NF1: variants seen among roughly 807,000 people sequenced by gnomAD.
The protein encoded by NF1 is neurofibromin 1.
Under a neutral mutation model 325.7 loss-of-function variants are expected in NF1, and 122 were observed. That is an observed-to-expected ratio of 0.37 (90% CI 0.32 to 0.44). NF1 has a LOEUF of 0.44. Ranked by LOEUF, NF1 falls within the 20% of genes least tolerant of loss-of-function variation. NF1 has a pLI of 1.00. For missense variants in NF1, 2,140 were observed against 3,415.4 expected (o/e 0.63, Z 9.31); for synonymous variants, 1,091 against 1,186.0 (o/e 0.92, Z 1.65).
At chr17:31,295,411 A>G (rs2151499062) in intron 36 of NF1, 10 of 1,613,990 alleles carry the variant, frequency 6.2e-6, no homozygotes, top group Non-Finnish European at 7.6e-6. Flanking sequence ...CCTTTGTTCG[A>G]TATTGTTTGG....
intron 30 of NF1, chr17:31,250,492 G>A (rs1439422792): frequency 9.7e-6 from 2 of 206,772 alleles, no homozygotes; most frequent in Non-Finnish European, 2.0e-5. Context: ...GACTTTAGCT[G>A]GTTAAAAGTG....
At chr17:31,145,278 C>T (rs57413456) in intron 1 of NF1, among the ~76,000 whole-genome samples, 15 of 152,296 alleles carry the variant, frequency 9.8e-5, no homozygotes, top group East Asian at 1.9e-4. Context: ...ATGCAACCTC[C>T]GCCTCCCGGG....
At chr17:31,196,296 T>C (rs775470266) in intron 8 of NF1, among the ~76,000 whole-genome samples, 7 of 152,096 alleles carry the variant, frequency 4.6e-5, no homozygotes, top group Admixed American at 6.5e-5. Context: ...GCTTTCATTT[T>C]ATTTATACTG....
chr17:31,138,005 A>G (rs1019685008), intron 1 of NF1: 5 of 151,810 alleles, frequency 3.3e-5, no homozygotes, highest in Non-Finnish European at 5.9e-5. Flanking sequence ...TGTCCTTGCT[A>G]TTCTGCAGTT....
At position 31,233,515 on chromosome 17, in the gene NF1, G is replaced by A. The variant is rs17883197; in HGVS notation, c.3708+302G>A. 8.2e-3 allele frequency among the ~76,000 whole-genome samples: 1,246 copies of A among 152,210 alleles called. 10 individuals carry two copies. Among genetic ancestry groups the A allele is most frequent in the South Asian group, 0.014 (68 of 4,822 alleles). ...AGGTTAAACCTAATTTTAGTTAGTT[G>A]TTGCAATGCTGGAATTGGAATCCAC... On this transcript the variant is annotated intron_variant, in intron 27 of 57. Coordinates refer to ENST00000358273, the MANE Select transcript of NF1 (RefSeq NM_001042492.3).
intron 36 of NF1, chr17:31,295,776 T>C: frequency 6.2e-7 from 1 of 1,614,150 alleles, no homozygotes; most frequent in Non-Finnish European, 8.5e-7. Flanking sequence ...TTTATTAATG[T>C]ACCTGGAAGA....
intron 36 of NF1, among the ~76,000 whole-genome samples, chr17:31,285,571 G>A (rs2068210547): frequency 6.6e-6 from 1 of 152,104 alleles, no homozygotes; most frequent in Non-Finnish European, 1.5e-5. Flanking sequence ...TTTTCTGCTG[G>A]ACATGGGGGC....
Position 31,259,111 on chromosome 17 carries a change from A to C in NF1, c.4412A>C (p.Asn1471Thr), listed in dbSNP as rs876658250. ...MRPFNDFVKS[N>T]FDAARRFFLD... ...CCTTTCAATGATTTTGTGAAAAGCA[A>C]CTTTGATGCAGCACGCAGGTAATTT... Residue 1471 changes from asparagine to threonine, a missense_variant, in exon 33 of 58, where the codon AAC (asparagine) becomes ACC (threonine). Physicochemically the swap from Asn to Thr is moderately conservative, Grantham distance 65. This residue lies in a region of NF1 where 336 missense variants were observed against 399.0 expected (regional missense o/e 0.84). Transcript: ENST00000358273. 1.2e-6 allele frequency: 2 copies of C among 1,602,478 alleles called. No individual in the cohort carries two copies.
At chr17:31,178,778 A>G (rs1336091450) in intron 5 of NF1, among the ~76,000 whole-genome samples, 1 of 152,238 alleles carries the variant, frequency 6.6e-6, no homozygotes, top group Non-Finnish European at 1.5e-5. Flanking sequence ...AGGGTATTAC[A>G]TAATGGTAAA....
chr17:31,114,992 A>C (rs1311555161), intron 1 of NF1, among the ~76,000 whole-genome samples: 1 of 152,236 alleles, frequency 6.6e-6, no homozygotes, highest in Non-Finnish European at 1.5e-5. Flanking sequence ...TCAGGGTTCC[A>C]GACATAGTCC....
intron 36 of NF1, chr17:31,272,412 G>A (rs1038778103): frequency 5.9e-5 from 9 of 152,072 alleles, no homozygotes; most frequent in Non-Finnish European, 1.3e-4. Flanking sequence ...GTCATCTAGG[G>A]ATTTGAGGTC....
chr17:31,222,569 A>G lies in NF1; in HGVS notation c.1721+640A>G, dbSNP rs531786358. 76 of 1,018,372 alleles carry G rather than the reference A, an allele frequency of 7.5e-5. No homozygotes were observed. In the African/African-American group the frequency reaches 1.1e-3, roughly 14 times the overall value. The allele number at this position is 1,018,372 out of a possible 1,614,324, so 63.1% of individuals were successfully genotyped here. The stretch of plus-strand genomic sequence containing the variant: ...TTACTCTAGAGTAGTGCTGTCCACT[A>G]GTAATATAATGAGAACCCCATATGT... On this transcript the variant is annotated intron_variant, in intron 15 of 57. Transcript: ENST00000358273.
intron 36 of NF1, among the ~76,000 whole-genome samples, chr17:31,301,170 T>C (rs1292237630): frequency 6.6e-6 from 1 of 152,082 alleles, no homozygotes. Context: ...TTTAAAAGTT[T>C]CATATAATTT....
chr17:31,182,621 C>A lies in NF1; in HGVS notation c.844C>A (p.Gln282Lys), dbSNP rs753054046. 6 of 1,613,830 alleles carry A rather than the reference C, an allele frequency of 3.7e-6. No individual in the cohort carries two copies. In the South Asian group the frequency reaches 6.6e-5, roughly 18 times the overall value. ...CCTTATCTTGTGTCCAGAAATAATC[C>A]AGGATATATCCAAAGACGTGGTTGA... ...ILLILCPEII[Q>K]DISKDVVDEN... The change falls in exon 8 of 58, where the codon CAG (glutamine) becomes AAG (lysine). Residue 282 changes from glutamine (Q) to lysine (K), a missense_variant. Transcript: ENST00000358273.
chr17:31,265,172 T>C, intron 35 of NF1, 57 bp from the exon 36 acceptor site: 1 of 1,184,438 alleles, frequency 8.4e-7, no homozygotes, highest in Non-Finnish European at 1.2e-6. Context: ...ATAGACTTTT[T>C]TACATACTCA....
chr17:31,189,756 G>GTT (rs1424401941), intron 8 of NF1, among the ~76,000 whole-genome samples: 1 of 144,116 alleles, frequency 6.9e-6, no homozygotes, highest in East Asian at 2.0e-4. Context: ...AAAAAGAAAA[G>GTT]TATTTTTTTT....
At position 31,294,764 on chromosome 17, in the gene NF1, A is replaced by AT. The variant is rs548663575; in HGVS notation, c.4835+29433dup. 264 of 546,418 alleles carry AT rather than the reference A, an allele frequency of 4.8e-4. No homozygotes were observed. The East Asian group carries it at 6.8e-3, about 14-fold the overall frequency. 33.8% of individuals were successfully genotyped at this position (546,418 alleles called of 1,614,324 possible). ...ATAAATTGAAGCCTTAAAACATTTC[A>AT]TTTTTTTTATAAAAGAAACTCATTA... On this transcript the variant is annotated intron_variant, in intron 36 of 57. Transcript: ENST00000358273.
chr17:31,366,915 A>G (rs1597876845), intron 57 of NF1, among the ~76,000 whole-genome samples: 2 of 152,096 alleles, frequency 1.3e-5, no homozygotes, highest in Admixed American at 1.3e-4. Flanking sequence ...ATAATTTTAA[A>G]TTGAGCGATT....
At chr17:31,102,211 G>C (rs1912400926) in intron 1 of NF1, among the ~76,000 whole-genome samples, 1 of 152,136 alleles carries the variant, frequency 6.6e-6, no homozygotes, top group Non-Finnish European at 1.5e-5. Flanking sequence ...TTTCAGATCT[G>C]ATCAACTACT....
Sources: allele counts gnomAD v4.1 joint callset (sites outside exome capture counted in the v4.1 genomes callset), GRCh38; gene constraint gnomAD v4.1.1; regional missense constraint gnomAD v4.1.1; transcripts MANE v1.5; gene names NCBI Gene and HGNC (gene_info 2026-07-23, HGNC 2026-07-21).